Variants in IRAK2 observed in about 807,000 individuals in gnomAD.
IRAK2 encodes interleukin-1 receptor-associated kinase-like 2.
A neutral mutation model predicts 72.0 loss-of-function variants in IRAK2; 57 were observed. That is an observed-to-expected ratio of 0.79 (90% CI 0.64 to 0.99). The LOEUF (loss-of-function observed/expected upper bound fraction) is 0.99. Among genes scored for constraint, IRAK2 ranks in the 50% least tolerant of loss-of-function variants. IRAK2 has a pLI of 0.00. For missense variants in IRAK2, 790 were observed against 794.4 expected, an observed-to-expected ratio of 0.99 and a Z score of 0.07; for synonymous variants, 293 against 312.7, an observed-to-expected ratio of 0.94 and a Z score of 0.67.
intron 3 of IRAK2, among the ~76,000 whole-genome samples, chr3:10,200,749 A>T (rs572488963): frequency 6.6e-6 from 1 of 152,278 alleles, no homozygotes; most frequent in African/African-American, 2.4e-5. Flanking sequence ...ATTTTAAAAA[A>T]ATCATCCAGG....
At chr3:10,236,342 GTTTTTT>G (rs34423993) in intron 11 of IRAK2, among the ~76,000 whole-genome samples, 1,994 of 99,708 alleles carry the variant, frequency 0.02, 65 homozygotes, top group African/African-American at 0.068. Context: ...AGCCACTAAG[GTTTTTT>G]TTTTTTTTTT....
At chr3:10,238,626 A>C in intron 11 of IRAK2, 122 bp from the exon 12 acceptor site, 1 of 965,078 alleles carries the variant, frequency 1.0e-6, no homozygotes, top group Admixed American at 2.4e-5. Flanking sequence ...TTTTCAGACA[A>C]AACAACCAGC....
At chr3:10,180,173 T>TG (rs921744559) in intron 2 of IRAK2, among the ~76,000 whole-genome samples, 1 of 152,068 alleles carries the variant, frequency 6.6e-6, no homozygotes. Context: ...GCAGTGGGGA[T>TG]GGGGGGTCTG....
intron 2 of IRAK2, 40 bp downstream of exon 2, chr3:10,178,060 G>C: frequency 6.7e-7 from 1 of 1,498,214 alleles, no homozygotes; most frequent in South Asian, 1.2e-5. Context: ...GGCCCATCAC[G>C]CTCCTGAGCA....
chr3:10,226,532 A>C, intron 10 of IRAK2, 99 bp downstream of exon 10: 1 of 923,830 alleles, frequency 1.1e-6, no homozygotes, highest in Non-Finnish European at 1.7e-6. Flanking sequence ...TACACATGCA[A>C]ATGAGGCCCG....
chr3:10,165,185 GGA>G, intron 1 of IRAK2, 137 bp downstream of exon 1: 2 of 699,846 alleles, frequency 2.9e-6, no homozygotes, highest in Non-Finnish European at 4.7e-6. Context: ...TGAGCCTCCT[GGA>G]CCGGGTCCGC....
intron 7 of IRAK2, 45 bp downstream of exon 7, chr3:10,217,093 C>T (rs1158298359): frequency 7.2e-7 from 1 of 1,385,666 alleles, no homozygotes; most frequent in South Asian, 1.2e-5. Flanking sequence ...AGGCTGCACC[C>T]AGCCATGGGG....
chr3:10,167,681 C>T (rs945711889), intron 1 of IRAK2, among the ~76,000 whole-genome samples: 1 of 152,204 alleles, frequency 6.6e-6, no homozygotes, highest in Non-Finnish European at 1.5e-5. Flanking sequence ...TCCCAAAGTG[C>T]TGGGATTACA....
chr3:10,236,827 A>G (rs756890589), intron 11 of IRAK2, among the ~76,000 whole-genome samples: 2 of 152,254 alleles, frequency 1.3e-5, no homozygotes, highest in Non-Finnish European at 2.9e-5. Flanking sequence ...TGCAAAATGC[A>G]GTGGTTTAAA....
Position 10,222,728 on chromosome 3 carries a change from T to G in IRAK2, c.1106T>G (p.Met369Arg). The G allele has an allele frequency of 6.2e-7, 1 of 1,614,166 alleles. No individual in the cohort carries two copies. Among genetic ancestry groups the G allele is most frequent in the Non-Finnish European group, 8.5e-7 (1 of 1,180,018 alleles). ...CPVNKRSKYT[M>R]MKTHLLRTSA... ...GTCAACAAAAGGTCAAAATACACCA[T>G]GATGAAGACTCACCTGCTCCGGACG... The change falls in exon 9 of 13, where the codon ATG (methionine) becomes AGG (arginine). Residue 369 changes from methionine (M) to arginine (R), a missense_variant. Met to Arg is a moderately conservative substitution (Grantham distance 91). Coordinates refer to ENST00000256458, the MANE Select transcript of IRAK2 (RefSeq NM_001570.4).
intron 1 of IRAK2, 146 bp downstream of exon 1, chr3:10,165,194 C>G (rs1696661671): frequency 1.5e-6 from 1 of 654,102 alleles, no homozygotes; most frequent in Non-Finnish European, 2.6e-6. Context: ...TGGACCGGGT[C>G]CGCCGCGGAC....
At chr3:10,233,538 C>T (rs1196471180) in intron 10 of IRAK2, among the ~76,000 whole-genome samples, 1 of 151,758 alleles carries the variant, frequency 6.6e-6, no homozygotes, top group African/African-American at 2.4e-5. Flanking sequence ...TTATGTGGTA[C>T]AAAATATAAA....
At chr3:10,208,587 C>A (rs62240065) in intron 3 of IRAK2, among the ~76,000 whole-genome samples, 43,013 of 151,438 alleles carry the variant, frequency 0.28, 6,784 homozygotes, top group Non-Finnish European at 0.36. Flanking sequence ...CACAGTGAAA[C>A]CCCATCTCTA....
chr3:10,227,093 T>C (rs779904), intron 10 of IRAK2, among the ~76,000 whole-genome samples: 10,138 of 152,208 alleles, frequency 0.067, 508 homozygotes, highest in East Asian at 0.21. Flanking sequence ...CAAGTTTCTA[T>C]AATAAAAACA....
rs530514223 is a variant in IRAK2 at position 10,202,589 on chromosome 3, T to C, written c.424+2074T>C. Among the ~76,000 whole-genome samples the C allele has an allele frequency of 1.5e-3, 229 of 152,042 alleles. 10 individuals are homozygous for C. The South Asian group carries it at 0.047, about 31-fold the overall frequency. ...AGTGAGCTGAGATCGTGCCACTGCA[T>C]TCCAGCCTGGGTGACAGAGTGAGAC... On this transcript the variant is annotated intron_variant, in intron 3 of 12. Transcript: ENST00000256458.
chr3:10,200,667 C>A (rs567492608), intron 3 of IRAK2, 152 bp downstream of exon 3: 28 of 586,392 alleles, frequency 4.8e-5, no homozygotes, highest in Non-Finnish European at 7.5e-5. Flanking sequence ...GAGGCTGAGG[C>A]GGGAGGATGG....
intron 1 of IRAK2, among the ~76,000 whole-genome samples, chr3:10,176,985 T>A (rs1268413972): frequency 6.6e-6 from 1 of 151,900 alleles, no homozygotes; most frequent in Non-Finnish European, 1.5e-5. Flanking sequence ...CTATTTTTAG[T>A]AGAGACAGGG....
chr3:10,195,052 G>T (rs3852024), intron 2 of IRAK2, among the ~76,000 whole-genome samples: 1 of 152,152 alleles, frequency 6.6e-6, no homozygotes, highest in Non-Finnish European at 1.5e-5. Context: ...GTGGTGCCAG[G>T]TGGGGCCACC....
At chr3:10,192,748 G>A (rs532616744) in intron 2 of IRAK2, among the ~76,000 whole-genome samples, 9 of 152,152 alleles carry the variant, frequency 5.9e-5, no homozygotes, top group African/African-American at 1.2e-4. Flanking sequence ...GCAAAACCCC[G>A]TCTCTACTAA....
Sources: gnomAD v4.1 joint callset for allele counts (sites outside exome capture counted in the v4.1 genomes callset) on GRCh38, gnomAD v4.1.1 for gene constraint, MANE v1.5 for transcripts, NCBI Gene and HGNC (gene_info 2026-07-23, HGNC 2026-07-21) for gene names.